The following ATG2A variants were observed in gnomAD, a reference collection of about 807,000 sequenced individuals.
The protein encoded by ATG2A is autophagy related 2A.
In ATG2A, 103 loss-of-function variants were observed where a neutral mutation model predicts 214.2. That is an observed-to-expected ratio of 0.48 (90% CI 0.41 to 0.57). The LOEUF (loss-of-function observed/expected upper bound fraction) is 0.57, where lower values mean the gene tolerates loss of function less well. Ranked by LOEUF, ATG2A falls within the 20% of genes least tolerant of loss-of-function variation. ATG2A has a pLI of 0.00. For missense variants in ATG2A, 2,312 were observed against 2,613.2 expected, an observed-to-expected ratio of 0.88 and a Z score of 2.51; for synonymous variants, 1,160 against 1,142.1, an observed-to-expected ratio of 1.02 and a Z score of -0.32.
Position 64,908,993 on chromosome 11 carries a change from C to T in ATG2A, c.2362G>A (p.Glu788Lys). The T allele has an allele frequency of 6.3e-7, 1 of 1,577,980 alleles. No individual in the cohort carries two copies. Among genetic ancestry groups the T allele is most frequent in the Admixed American group, 1.8e-5 (1 of 54,142 alleles). Residue 788 changes from glutamate to lysine, a missense_variant and splice_region_variant, in exon 16 of 41, where the codon GAG (glutamate) becomes AAG (lysine). By Grantham distance (56) the Glu-to-Lys change is moderately conservative. Transcript: ENST00000377264. ...SSKRTMYETE[E>K]MVIPGDPEEM... Reference sequence around the variant, plus strand: ...GAAGAGGTGGGGCCAAGTCTCACCTCCTCTGTCTCATACATGGTCCTCTTA... The same window carrying T: ...GAAGAGGTGGGGCCAAGTCTCACCTTCTCTGTCTCATACATGGTCCTCTTA...
intron 39 of ATG2A, 98 bp downstream of exon 39, chr11:64,896,364 C>A (rs769224910): frequency 1.8e-5 from 26 of 1,463,390 alleles, no homozygotes; most frequent in Non-Finnish European, 2.3e-5. Flanking sequence ...CCCAGACTGC[C>A]CACTCTGAGG....
chr11:64,910,940 G>C lies in ATG2A; in HGVS notation c.1481C>G (p.Ala494Gly), dbSNP rs146646788. 3.7e-6 allele frequency: 6 copies of C among 1,613,206 alleles called. No individual in the cohort carries two copies. The highest frequency in any genetic ancestry group is 4.2e-6 in the Non-Finnish European group (5 of 1,180,020). The change falls in exon 11 of 41, where the codon GCC becomes GGC. Residue 494 changes from alanine to glycine, a missense_variant. Coordinates refer to ENST00000377264, the MANE Select transcript of ATG2A (RefSeq NM_015104.3). The part of the protein sequence containing the change: ...PCSHVRLTGT[A>G]VQLSWELRTG... ...CCGCAGCTCCCAGGACAGCTGCACG[G>C]CTGTGCCCGTTAGCCTGCGGGGAAG...
intron 9 of ATG2A, 118 bp from the exon 10 acceptor site, chr11:64,911,393 TGGCAGAAGGCTTGGTCA>T: frequency 9.7e-7 from 1 of 1,032,158 alleles, no homozygotes; most frequent in Non-Finnish European, 1.4e-6. Context: ...CATGTGGCTC[TGGCAGAAGGCTTGGTCA>T]GGCAGGGGTG....
chr11:64,911,142 G>C lies in ATG2A; in HGVS notation c.1362C>G (p.His454Gln). ...TGGTGGCATCAAACTCGGTGAAAAA[G>C]TGCGTGGCGAGGTCAGGTGGTCCGG... ...PSSGPPDLAT[H>Q]FFTEFDATKD... is the part of the protein sequence containing the mutation. Residue 454 changes from histidine to glutamine, a missense_variant, in exon 10 of 41, where the codon CAC becomes CAG. Transcript: ENST00000377264. 1.5e-5 allele frequency: 24 copies of C among 1,614,172 alleles called. No individual in the cohort carries two copies. The highest frequency in any genetic ancestry group is 1.9e-5 in the Non-Finnish European group (23 of 1,180,040).
At position 64,896,795 on chromosome 11, in the gene ATG2A, G is replaced by T. The variant is rs781243276; in HGVS notation, c.5225C>A (p.Pro1742His). The T allele has an allele frequency of 6.2e-7, 1 of 1,614,128 alleles. No homozygotes were observed. Among genetic ancestry groups the T allele is most frequent in the African/African-American group, 1.3e-5 (1 of 75,028 alleles). The change falls in exon 38 of 41, where the codon CCC (proline) becomes CAC (histidine). Residue 1742 changes from proline (P) to histidine (H), a missense_variant. Physicochemically the swap from Pro to His is moderately conservative, Grantham distance 77. Transcript: ENST00000377264. Reference sequence around the variant, plus strand: ...GGGGCCCACGCCTCCCAGCAGGCCGGGCAGCTGGTTCTTGCGGATGTCCTG... The same window carrying T: ...GGGGCCCACGCCTCCCAGCAGGCCGTGCAGCTGGTTCTTGCGGATGTCCTG... Reference protein sequence around the residue: ...WLQDIRKNQLPGLLGGVGPMH... With the variant: ...WLQDIRKNQLHGLLGGVGPMH...
chr11:64,909,026 A>G lies in ATG2A; in HGVS notation c.2329T>C (p.Phe777Leu). 6.2e-7 allele frequency: 1 copy of G among 1,608,310 alleles called. No homozygotes were observed. Among genetic ancestry groups the G allele is most frequent in the East Asian group, 2.2e-5 (1 of 44,754 alleles). Residue 777 changes from phenylalanine (F) to leucine (L), a missense_variant, in exon 16 of 41, where the codon TTC becomes CTC. Coordinates refer to ENST00000377264, the MANE Select transcript of ATG2A (RefSeq NM_015104.3). ...TCATACATGGTCCTCTTAGAGGAGA[A>G]GGGCGAGGGCTCAGGTTCCCGCAGC... The part of the protein sequence containing the change: ...CELREPEPSP[F>L]SSKRTMYETE...
rs993422514 is a variant in ATG2A, at chr11:64,894,618, C to T, written c.*355G>A. 3 of 556,390 alleles carry T rather than the reference C, an allele frequency of 5.4e-6. No homozygotes were observed. Among genetic ancestry groups the T allele is most frequent in the South Asian group, 1.5e-5 (1 of 65,476 alleles). 34.5% of individuals were successfully genotyped at this position (556,390 alleles called of 1,614,324 possible). On this transcript the variant is annotated 3_prime_UTR_variant, in exon 41 of 41. Transcript: ENST00000377264. ...CTCACGGAGCTTAAAAATAATACAT[C>T]GAACCACACGGATATCATCCCCTCC...
At position 64,894,887 on chromosome 11, in the gene ATG2A, AGGCCG is replaced by A. The variant is rs1361289267; in HGVS notation, c.*81_*85del. 5 of 1,502,326 alleles carry A rather than the reference AGGCCG, an allele frequency of 3.3e-6. No individual in the cohort carries two copies. Among genetic ancestry groups the A allele is most frequent in the Non-Finnish European group, 3.7e-6 (4 of 1,088,802 alleles). The allele number at this position is 1,502,326 out of a possible 1,614,324, so 93.1% of individuals were successfully genotyped here. A position where few individuals can be genotyped will look rare whatever the true frequency, so the allele number is the denominator to read the frequency against. On this transcript the variant is annotated 3_prime_UTR_variant, in exon 41 of 41. Transcript: ENST00000377264. ...CACAGTGGCCATCCCCTGAAGGGCC[AGGCCG>A]GGCCGGGCCCGTGGGCTGCAGCTCT...
chr11:64,906,248 G>C, intron 21 of ATG2A, 55 bp from the exon 22 acceptor site: 1 of 1,605,728 alleles, frequency 6.2e-7, no homozygotes. Context: ...CCGTGCACTG[G>C]GGCCTCACCG....
Position 64,914,512 on chromosome 11 carries a change from C to T in ATG2A, c.172-12G>A. ...ACCTCGTTCACAGACTGGGAGCAAGCAAGAGACAAAACCAGCTCAGGGAAA... is the reference window on the plus strand; with the variant it reads ...ACCTCGTTCACAGACTGGGAGCAAGTAAGAGACAAAACCAGCTCAGGGAAA... On this transcript the variant is annotated splice_polypyrimidine_tract_variant and intron_variant, in intron 1 of 40. Transcript: ENST00000377264. 1 of 1,610,588 alleles carries T rather than the reference C, an allele frequency of 6.2e-7. No homozygotes were observed. The highest frequency in any genetic ancestry group is 8.5e-7 in the Non-Finnish European group (1 of 1,178,822).
At position 64,896,404 on chromosome 11, in the gene ATG2A, G is replaced by A. The variant is rs1944151924; in HGVS notation, c.5427+58C>T. The A allele has an allele frequency of 1.9e-6, 3 of 1,544,214 alleles. No homozygotes were observed. The South Asian group carries it at 3.6e-5, about 19-fold the overall frequency. ...TTGAGGACAGAACCAGGGAGCTGTG[G>A]TGCAGAGGGCTCCAGCTGCTCTGTC... On this transcript the variant is annotated intron_variant, in intron 39 of 40. Coordinates refer to ENST00000377264, the MANE Select transcript of ATG2A (RefSeq NM_015104.3).
rs780071215 is a variant in ATG2A, at chr11:64,914,168, C to T, written c.400G>A (p.Glu134Lys). Residue 134 changes from glutamate to lysine, a missense_variant, in exon 3 of 41, where the codon GAG becomes AAG. Physicochemically the swap from Glu to Lys is moderately conservative, Grantham distance 56 (BLOSUM62 1). Transcript: ENST00000377264. Reference sequence around the variant, plus strand: ...TCCGGTAGCCCATCCCGCAGACACTCCTGGGCCAGCTGCAGGCTTGTGGTC... The same window carrying T: ...TCCGGTAGCCCATCCCGCAGACACTTCTGGGCCAGCTGCAGGCTTGTGGTC... ...CMTTSLQLAQECLRDGLPEPS... is the reference protein window; with the variant it reads ...CMTTSLQLAQKCLRDGLPEPS... The T allele has an allele frequency of 3.9e-6, 6 of 1,553,006 alleles. No homozygotes were observed. The highest frequency in any genetic ancestry group is 5.2e-6 in the Non-Finnish European group (6 of 1,148,092).
rs965482697 is a variant in ATG2A, at chr11:64,897,058, T to C, written c.5151-189A>G. The C allele has an allele frequency of 3.5e-6, 3 of 858,398 alleles. No homozygotes were observed. The Admixed American group carries it at 8.9e-5, about 26-fold the overall frequency. 53.2% of individuals were successfully genotyped at this position (858,398 alleles called of 1,614,324 possible). On this transcript the variant is annotated intron_variant, in intron 37 of 40. Transcript: ENST00000377264. ...TTTTTTTAGATGGAGTCTTGCTCCG[T>C]TGCCCAGGCTGGAGTGAAGTGGTGC... is the stretch of plus-strand genomic sequence containing the variant.
chr11:64,897,951 G>A lies in ATG2A; in HGVS notation c.4882C>T (p.Pro1628Ser). 5.2e-6 allele frequency: 8 copies of A among 1,550,896 alleles called. No individual in the cohort carries two copies. Among genetic ancestry groups the A allele is most frequent in the Non-Finnish European group, 6.9e-6 (8 of 1,151,096 alleles). ...AEARPETRAQ[P>S]SSPLEGQAEG... ...GCCTGCCCTTCCAGGGGGCTGCTGG[G>A]CTGGGCTCGAGTCTCGGGGCGAGCT... is the stretch of plus-strand genomic sequence containing the variant. The change falls in exon 35 of 41, where the codon CCC becomes TCC. Residue 1628 changes from proline (P) to serine (S), a missense_variant. Transcript: ENST00000377264.
At position 64,907,609 on chromosome 11, in the gene ATG2A, G is replaced by T; in HGVS notation, c.2563C>A (p.Pro855Thr). Residue 855 changes from proline to threonine, a missense_variant, in exon 18 of 41, where the codon CCC becomes ACC. Pro to Thr is a conservative substitution (Grantham distance 38). Transcript: ENST00000377264. ...EPADLLPTPD[P>T]AAQPSGFPGP... ...GGGAAGCCCGAGGGCTGGGCGGCGG[G>T]GTCGGGGGTGGGAAGCAGATCTGCA... 6.3e-7 allele frequency: 1 copy of T among 1,592,558 alleles called. No homozygotes were observed. Among genetic ancestry groups the T allele is most frequent in the South Asian group, 1.1e-5 (1 of 89,340 alleles).
intron 31 of ATG2A, among the ~76,000 whole-genome samples, chr11:64,899,968 C>T (rs192508380): frequency 7.1e-4 from 107 of 151,552 alleles, no homozygotes; most frequent in Non-Finnish European, 1.0e-3. Flanking sequence ...AAACAACTCT[C>T]CTGCCTCAGC....
chr11:64,896,988 G>A, intron 37 of ATG2A, 119 bp from the exon 38 acceptor site: 13 of 1,383,304 alleles, frequency 9.4e-6, no homozygotes, highest in Non-Finnish European at 1.3e-5. Context: ...TACCCTCCCT[G>A]TGGTCCCACC....
In ATG2A at chr11:64,913,560, G is replaced by A; in HGVS notation, c.591-159C>T. On this transcript the variant is annotated intron_variant, in intron 4 of 40. Coordinates refer to ENST00000377264, the MANE Select transcript of ATG2A (RefSeq NM_015104.3). This position sits in a 1 kb window ranked among gnomAD's most constrained non-coding sequence, Gnocchi z 4.3. Reference sequence around the variant, plus strand: ...CCTGAACCACCATGTCCAGCCCGGAGGCTCAGGCCAGCCCTTGCTCCTCAG... The same window carrying A: ...CCTGAACCACCATGTCCAGCCCGGAAGCTCAGGCCAGCCCTTGCTCCTCAG... 5 of 1,049,000 alleles carry A rather than the reference G, an allele frequency of 4.8e-6. No homozygotes were observed. Among genetic ancestry groups the A allele is most frequent in the Non-Finnish European group, 6.7e-6 (5 of 746,244 alleles). The allele number at this position is 1,049,000 out of a possible 1,614,324, so 65.0% of individuals were successfully genotyped here. A position where few individuals can be genotyped will look rare whatever the true frequency, so the allele number is the denominator to read the frequency against.
chr11:64,907,740 G>A lies in ATG2A; in HGVS notation c.2507+8C>T, dbSNP rs1355761366. 1 of 1,613,050 alleles carries A rather than the reference G, an allele frequency of 6.2e-7. No homozygotes were observed. The highest frequency in any genetic ancestry group is 1.7e-5 in the Admixed American group (1 of 59,984). ...TCCAGTCCCGCCCTGCTGGCCCCGG[G>A]TCTCCACCTGTTGTAGATGCTCTCG... On this transcript the variant is annotated splice_region_variant and intron_variant, in intron 17 of 40. Transcript: ENST00000377264.
Sources: gnomAD v4.1 joint callset for allele counts (sites outside exome capture counted in the v4.1 genomes callset) on GRCh38, gnomAD v4.1.1 for gene constraint, Gnocchi (gnomAD v3.1) non-coding constraint, MANE v1.5 for transcripts, NCBI Gene and HGNC (gene_info 2026-07-23, HGNC 2026-07-21) for gene names.